The following BRCA2 variants were observed in gnomAD, a reference collection of about 807,000 sequenced individuals.
BRCA2 encodes breast cancer type 2 susceptibility protein.
In BRCA2, 203 loss-of-function variants were observed where a neutral mutation model predicts 276.7. That is an observed-to-expected ratio of 0.73 (90% CI 0.65 to 0.82). BRCA2 has a LOEUF of 0.82. Ranked by LOEUF, BRCA2 falls within the 40% of genes least tolerant of loss-of-function variation. The pLI is 0.00. For missense variants in BRCA2, 3,920 were observed against 3,915.0 expected, an observed-to-expected ratio of 1.00 and a Z score of -0.03; for synonymous variants, 1,289 against 1,338.4, an observed-to-expected ratio of 0.96 and a Z score of 0.81.
At chr13:32,378,518 T>C (rs554301101) in intron 21 of BRCA2, among the ~76,000 whole-genome samples, 1 of 152,330 alleles carries the variant, frequency 6.6e-6, no homozygotes, top group Non-Finnish European at 1.5e-5. Flanking sequence ...ATATTTAGAA[T>C]CTCTATACCT....
Position 32,337,816 on chromosome 13 carries a change from C to A in BRCA2, c.3461C>A (p.Thr1154Asn), listed in dbSNP as rs786202212. 1.2e-6 allele frequency: 2 copies of A among 1,614,056 alleles called. No individual in the cohort carries two copies. The highest frequency in any genetic ancestry group is 1.3e-5 in the African/African-American group (1 of 75,020). Residue 1154 changes from threonine to asparagine, a missense_variant, in exon 11 of 27, where the codon ACC (threonine) becomes AAC (asparagine). This residue lies in a region of BRCA2 where 3,263 missense variants were observed against 3,156.9 expected (regional missense o/e 1.03). Transcript: ENST00000380152. ...GAAAACCAGATGACTATCTTAAAGA[C>A]CACTTCTGAGGAATGCAGAGATGCT... ...VPENQMTILK[T>N]TSEECRDADL... is the part of the protein sequence containing the mutation.
rs80358757 is a variant in BRCA2, at chr13:32,339,699, C to G, written c.5344C>G (p.Gln1782Glu). 6.2e-7 allele frequency: 1 copy of G among 1,612,658 alleles called. No individual in the cohort carries two copies. The highest frequency in any genetic ancestry group is 8.5e-7 in the Non-Finnish European group (1 of 1,179,124). The change falls in exon 11 of 27, where the codon CAA (glutamine) becomes GAA (glutamate). Residue 1782 changes from glutamine (Q) to glutamate (E), a missense_variant. Transcript: ENST00000380152. ...GCCAGTATTGAAGAATGTTGAAGAT[C>G]AAAAAAACACTAGTTTTTCCAAAGT... ...IEPVLKNVED[Q>E]KNTSFSKVIS...
intron 3 of BRCA2, among the ~76,000 whole-genome samples, chr13:32,319,840 A>G (rs1016571554): frequency 1.3e-5 from 2 of 152,224 alleles, no homozygotes; most frequent in Non-Finnish European, 2.9e-5. Context: ...TCAGAGTGTT[A>G]ATCTCTAGTA....
intron 24 of BRCA2, among the ~76,000 whole-genome samples, chr13:32,382,949 C>T (rs777091031): frequency 1.1e-4 from 16 of 152,036 alleles, no homozygotes; most frequent in Non-Finnish European, 1.8e-4. Flanking sequence ...AAGTAAAGTA[C>T]GTAGGTATAG....
chr13:32,373,692 C>G (rs376161248), intron 20 of BRCA2, among the ~76,000 whole-genome samples: 193 of 152,262 alleles, frequency 1.3e-3, no homozygotes, highest in African/African-American at 4.4e-3. Flanking sequence ...AGTCTACAGC[C>G]CCTGCAGCTG....
intron 13 of BRCA2, 109 bp from the exon 14 acceptor site, chr13:32,354,752 A>G: frequency 1.2e-6 from 1 of 805,976 alleles, no homozygotes; most frequent in South Asian, 1.5e-5. Flanking sequence ...CAAAACAGTT[A>G]CCAGAATAGT....
In BRCA2 at chr13:32,380,050, C is replaced by T. The variant is rs80359172; in HGVS notation, c.9161C>T (p.Pro3054Leu). ...ILFQIYQPRE[P>L]LHFSKFLDPD... ...TTTCAGATTTACCAGCCACGGGAGC[C>T]CCTTCACTTCAGCAAATTTTTAGAT... The change falls in exon 24 of 27, where the codon CCC (proline) becomes CTC (leucine). Residue 3054 changes from proline to leucine, a missense_variant. Coordinates refer to ENST00000380152, the MANE Select transcript of BRCA2 (RefSeq NM_000059.4). The T allele has an allele frequency of 1.2e-6, 2 of 1,614,000 alleles. No individual in the cohort carries two copies. The highest frequency in any genetic ancestry group is 1.7e-6 in the Non-Finnish European group (2 of 1,179,988).
In BRCA2 at chr13:32,359,570, T is replaced by C. The variant is rs534750592; in HGVS notation, c.7805+1641T>C. Among the ~76,000 whole-genome samples the C allele has an allele frequency of 1.9e-4, 29 of 152,370 alleles. No individual in the cohort carries two copies. The South Asian group carries it at 6.0e-3, about 32-fold the overall frequency. On this transcript the variant is annotated intron_variant, in intron 16 of 26. Coordinates refer to ENST00000380152, the MANE Select transcript of BRCA2 (RefSeq NM_000059.4). ...CAGCATCCTTATCTTTAAATTTCTGTACATCTTTCCAAAATTTATAGCTTT... is the reference window on the plus strand; with the variant it reads ...CAGCATCCTTATCTTTAAATTTCTGCACATCTTTCCAAAATTTATAGCTTT...
rs56204128 is a variant in BRCA2, at chr13:32,394,785, T to C, written c.9353T>C (p.Met3118Thr). The change falls in exon 25 of 27, where the codon ATG (methionine) becomes ACG (threonine). Residue 3118 changes from methionine (M) to threonine (T), a missense_variant. By Grantham distance (81) the Met-to-Thr change is moderately conservative (BLOSUM62 -1). Around this residue, in one of 2 missense-constraint regions of BRCA2, gnomAD observed 657 missense variants for 758.2 expected, o/e 0.87. Coordinates refer to ENST00000380152, the MANE Select transcript of BRCA2 (RefSeq NM_000059.4). ...DLNEDIIKPH[M>T]LIAASNLQWR... ...AATGAGGACATTATTAAGCCTCATA[T>C]GTTAATTGCTGCAAGCAACCTCCAG... 12 of 1,614,138 alleles carry C rather than the reference T, an allele frequency of 7.4e-6. No individual in the cohort carries two copies. The African/African-American group carries it at 1.5e-4, about 20-fold the overall frequency.
rs1015087797 is a variant in BRCA2, at chr13:32,337,995, G to A, written c.3640G>A (p.Val1214Met). The A allele has an allele frequency of 1.2e-6, 2 of 1,613,326 alleles. No individual in the cohort carries two copies. Among genetic ancestry groups the A allele is most frequent in the African/African-American group, 1.3e-5 (1 of 74,884 alleles). ...TGGTTATTTAACAGATGAAAATGAA[G>A]TGGGGTTTAGGGGCTTTTATTCTGC... is the stretch of plus-strand genomic sequence containing the variant. ...ASGYLTDENE[V>M]GFRGFYSAHG... The change falls in exon 11 of 27, where the codon GTG (valine) becomes ATG (methionine). Residue 1214 changes from valine to methionine, a missense_variant. Val to Met is a conservative substitution (Grantham distance 21, BLOSUM62 1). Coordinates refer to ENST00000380152, the MANE Select transcript of BRCA2 (RefSeq NM_000059.4).
In BRCA2 at chr13:32,340,456, G is replaced by A. The variant is rs80358849; in HGVS notation, c.6101G>A (p.Arg2034His). 7 of 1,613,704 alleles carry A rather than the reference G, an allele frequency of 4.3e-6. No homozygotes were observed. Among genetic ancestry groups the A allele is most frequent in the African/African-American group, 1.3e-5 (1 of 75,016 alleles). ...ACAAGAGAAGAAAATACTGCTATAC[G>A]TACTCCAGAACATTTAATATCCCAA... is the stretch of plus-strand genomic sequence containing the variant. Reference protein sequence around the residue: ...QLTREENTAIRTPEHLISQKG... With the variant: ...QLTREENTAIHTPEHLISQKG... Residue 2034 changes from arginine to histidine, a missense_variant, in exon 11 of 27, where the codon CGT (arginine) becomes CAT (histidine). Physicochemically the swap from Arg to His is conservative, Grantham distance 29. Around this residue, in one of 2 missense-constraint regions of BRCA2, gnomAD observed 3,263 missense variants for 3,156.9 expected, o/e 1.03. Coordinates refer to ENST00000380152, the MANE Select transcript of BRCA2 (RefSeq NM_000059.4).
chr13:32,372,533 T>C (rs1323748392), intron 20 of BRCA2, among the ~76,000 whole-genome samples: 1 of 152,034 alleles, frequency 6.6e-6, no homozygotes, highest in African/African-American at 2.4e-5. Context: ...AGCCATCAGA[T>C]CTCATAAGAA....
intron 2 of BRCA2, 22 bp downstream of exon 2, chr13:32,316,549 C>G (rs750422809): frequency 1.3e-5 from 21 of 1,594,038 alleles, no homozygotes; most frequent in Non-Finnish European, 1.8e-5. Context: ...TTTTATATAA[C>G]TTTATAAATT....
chr13:32,368,967 C>A (rs563575973), intron 18 of BRCA2, among the ~76,000 whole-genome samples: 14 of 151,850 alleles, frequency 9.2e-5, no homozygotes, highest in African/African-American at 3.1e-4. Context: ...CCTGCCACCA[C>A]CCCTGGCTAA....
rs2137497514 is a variant in BRCA2 at position 32,337,879 on chromosome 13, A to G, written c.3524A>G (p.Gln1175Arg). 1 of 1,614,134 alleles carries G rather than the reference A, an allele frequency of 6.2e-7. No homozygotes were observed. The highest frequency in any genetic ancestry group is 1.3e-5 in the African/African-American group (1 of 75,064). ...ATAATGAATGCCCCATCGATTGGTC[A>G]GGTAGACAGCAGCAAGCAATTTGAA... ...HVIMNAPSIGQVDSSKQFEGT... is the reference protein window; with the variant it reads ...HVIMNAPSIGRVDSSKQFEGT... Residue 1175 changes from glutamine (Q) to arginine (R), a missense_variant, in exon 11 of 27, where the codon CAG (glutamine) becomes CGG (arginine). Physicochemically the swap from Gln to Arg is conservative, Grantham distance 43. Coordinates refer to ENST00000380152, the MANE Select transcript of BRCA2 (RefSeq NM_000059.4).
intron 24 of BRCA2, among the ~76,000 whole-genome samples, chr13:32,394,121 CCTCA>C (rs2073016725): frequency 6.6e-6 from 1 of 152,128 alleles, no homozygotes; most frequent in African/African-American, 2.4e-5. Context: ...TAGAAATCGT[CCTCA>C]CTCTTTTTTT....
At position 32,332,805 on chromosome 13, in the gene BRCA2, G is replaced by A. The variant is rs397507579; in HGVS notation, c.1327G>A (p.Glu443Lys). ...AAGAAAGAAAGATTTTCTTACTTCA[G>A]AGAATTCTTTGCCACGTATTTCTAG... ...NKRKKDFLTSENSLPRISSLP... is the reference protein window; with the variant it reads ...NKRKKDFLTSKNSLPRISSLP... Residue 443 changes from glutamate to lysine, a missense_variant, in exon 10 of 27, where the codon GAG (glutamate) becomes AAG (lysine). Transcript: ENST00000380152. 6.2e-7 allele frequency: 1 copy of A among 1,609,956 alleles called. No individual in the cohort carries two copies. The highest frequency in any genetic ancestry group is 8.5e-7 in the Non-Finnish European group (1 of 1,179,004).
In BRCA2 at chr13:32,362,671, G is replaced by A. The variant is rs1466452770; in HGVS notation, c.7954G>A (p.Val2652Met). Residue 2652 changes from valine to methionine, a missense_variant, in exon 17 of 27, where the codon GTG becomes ATG. Physicochemically the swap from Val to Met is conservative, Grantham distance 21 (BLOSUM62 1). Around this residue, in one of 2 missense-constraint regions of BRCA2, gnomAD observed 3,263 missense variants for 3,156.9 expected, o/e 1.03. Coordinates refer to ENST00000380152, the MANE Select transcript of BRCA2 (RefSeq NM_000059.4). ...TAATAGATGCCTAAGCCCAGAAAGGGTGCTTCTTCAACTAAAATACAGGCA... is the reference window on the plus strand; with the variant it reads ...TAATAGATGCCTAAGCCCAGAAAGGATGCTTCTTCAACTAAAATACAGGCA... Reference protein sequence around the residue: ...FANRCLSPERVLLQLKYRYDT... With the variant: ...FANRCLSPERMLLQLKYRYDT... The A allele has an allele frequency of 1.9e-6, 3 of 1,614,154 alleles. No homozygotes were observed. The highest frequency in any genetic ancestry group is 1.6e-4 in the Middle Eastern group (1 of 6,062).
chr13:32,362,776 A>G, intron 17 of BRCA2, 83 bp downstream of exon 17: 2 of 1,482,378 alleles, frequency 1.3e-6, no homozygotes, highest in East Asian at 2.3e-5. Flanking sequence ...CCATGTCAAA[A>G]TGTTGCACAA....
Sources: allele counts gnomAD v4.1 joint callset (sites outside exome capture counted in the v4.1 genomes callset), GRCh38; gene constraint gnomAD v4.1.1; regional missense constraint gnomAD v4.1.1; transcripts MANE v1.5; gene names NCBI Gene and HGNC (gene_info 2026-07-23, HGNC 2026-07-21).